ALG9: variants seen among roughly 807,000 people sequenced by gnomAD.
ALG9 encodes the protein ALG9 alpha-1,2-mannosyltransferase.
ALG9 carries 55 observed loss-of-function variants against 81.8 expected under a neutral mutation model. The observed-to-expected ratio is 0.67, with a 90% CI of 0.54 to 0.84. The LOEUF is 0.84. Ranked by LOEUF, ALG9 falls within the 40% of genes least tolerant of loss-of-function variation. ALG9 has a pLI of 0.00. For synonymous variants in ALG9, 278 were observed against 274.3 expected (o/e 1.01, Z -0.13); for missense variants, 629 against 745.0 (o/e 0.84, Z 1.81).
chr11:111,809,536 A>G, intron 14 of ALG9, 107 bp downstream of exon 14: 1 of 1,362,424 alleles, frequency 7.3e-7, no homozygotes, highest in Non-Finnish European at 1.0e-6. Flanking sequence ...ACACACACAC[A>G]CACGATGGCT....
chr11:111,786,402 C>T lies in ALG9; in HGVS notation c.1852G>A (p.Gly618Ser), dbSNP rs590073. Residue 618 changes from glycine (G) to serine (S), a missense_variant, in exon 15 of 15, where the codon GGT becomes AGT. By Grantham distance (56) the Gly-to-Ser change is moderately conservative. Coordinates refer to ENST00000616540, the MANE Select transcript of ALG9 (RefSeq NM_024740.2). ...TTGGGGCCACAGGTGTGTTGCTAAC[C>T]TCCACTTTTCTTCCTGATTTGCTTT... ...KAKQIRKKSG[G>S] 1 of 1,613,958 alleles carries T rather than the reference C, an allele frequency of 6.2e-7. No individual in the cohort carries two copies. Among genetic ancestry groups the T allele is most frequent in the Non-Finnish European group, 8.5e-7 (1 of 1,179,938 alleles).
intron 14 of ALG9, among the ~76,000 whole-genome samples, chr11:111,795,534 G>A (rs1466326603): frequency 1.3e-5 from 2 of 152,198 alleles, no homozygotes; most frequent in African/African-American, 4.8e-5. Context: ...TGCTGAATCA[G>A]CATTATCCAT....
the ALG9 span, among the ~76,000 whole-genome samples, chr11:111,771,813 T>G: frequency 6.6e-6 from 1 of 152,266 alleles, no homozygotes; most frequent in Admixed American, 6.5e-5. Flanking sequence ...ATGCAAAGTA[T>G]GTCACCATTC....
intron 2 of ALG9, among the ~76,000 whole-genome samples, chr11:111,869,140 C>T (rs1372072910): frequency 6.6e-6 from 1 of 152,146 alleles, no homozygotes; most frequent in Non-Finnish European, 1.5e-5. Context: ...CAAAATGATA[C>T]AATATTTAAA....
At chr11:111,794,827 A>G (rs1245021093) in intron 14 of ALG9, among the ~76,000 whole-genome samples, 1 of 152,054 alleles carries the variant, frequency 6.6e-6, no homozygotes, top group Non-Finnish European at 1.5e-5. Context: ...ATTTTCTACA[A>G]CCTTTAGTGC....
chr11:111,825,512 T>C (rs1953080990), intron 13 of ALG9, among the ~76,000 whole-genome samples: 1 of 152,222 alleles, frequency 6.6e-6, no homozygotes, highest in Non-Finnish European at 1.5e-5. Context: ...TTGCAAAAGC[T>C]GTTCCTTCTG....
intron 13 of ALG9, among the ~76,000 whole-genome samples, chr11:111,831,601 G>C (rs184710033): frequency 8.5e-4 from 129 of 152,264 alleles, no homozygotes; most frequent in African/African-American, 2.9e-3. Flanking sequence ...ACAAAAACAA[G>C]AAAGAGGTGG....
At chr11:111,856,072 T>G (rs1958618256) in intron 6 of ALG9, among the ~76,000 whole-genome samples, 1 of 150,914 alleles carries the variant, frequency 6.6e-6, no homozygotes, top group Non-Finnish European at 1.5e-5. Flanking sequence ...AGGTCAGGAG[T>G]TCGAGACCAG....
intron 13 of ALG9, among the ~76,000 whole-genome samples, chr11:111,813,803 T>TA (rs1414183368): frequency 1.3e-5 from 2 of 152,078 alleles, no homozygotes; most frequent in Non-Finnish European, 2.9e-5. Flanking sequence ...TAAAAAAAAT[T>TA]ACAGTATCAA....
At chr11:111,843,609 C>A (rs1555126022) in intron 9 of ALG9, among the ~76,000 whole-genome samples, 1 of 152,164 alleles carries the variant, frequency 6.6e-6, no homozygotes. Context: ...CCAAATCAGA[C>A]TGCAAAGTCT....
intron 8 of ALG9, among the ~76,000 whole-genome samples, chr11:111,850,448 G>A (rs1312368780): frequency 6.6e-6 from 1 of 152,120 alleles, no homozygotes; most frequent in African/African-American, 2.4e-5. Flanking sequence ...GCTCATGCCT[G>A]TAATCCCAGC....
intron 4 of ALG9, among the ~76,000 whole-genome samples, chr11:111,862,836 T>C (rs1284646145): frequency 3.9e-5 from 6 of 152,082 alleles, no homozygotes; most frequent in Non-Finnish European, 7.4e-5. Context: ...TAAATATACT[T>C]ACATTATATT....
chr11:111,777,830 G>C (rs781901710), downstream of ALG9, among the ~76,000 whole-genome samples: 9 of 152,182 alleles, frequency 5.9e-5, no homozygotes, highest in African/African-American at 9.7e-5. Flanking sequence ...CAGTAACAGG[G>C]AGACAAGAAA....
At position 111,833,676 on chromosome 11, in the gene ALG9, A is replaced by G. The variant is rs374555640; in HGVS notation, c.1602+2489T>C. On this transcript the variant is annotated intron_variant, in intron 13 of 14. Coordinates refer to ENST00000616540, the MANE Select transcript of ALG9 (RefSeq NM_024740.2). ...TCTGCCACCACAGATAAGCAAAAAA[A>G]TCCTCGCATTCAAAGGGCTGGACAC... Among the ~76,000 whole-genome samples, 76 of 152,334 alleles carry G rather than the reference A, an allele frequency of 5.0e-4. 1 individual carries two copies. The highest frequency in any genetic ancestry group is 1.7e-3 in the African/African-American group (72 of 41,582).
intron 13 of ALG9, among the ~76,000 whole-genome samples, chr11:111,823,074 G>A (rs144812487): frequency 3.3e-3 from 507 of 152,214 alleles, no homozygotes; most frequent in African/African-American, 0.012. Flanking sequence ...CCGACTAAGT[G>A]CTCTTTTTAT....
rs782808830 is a variant in ALG9, at chr11:111,789,179, A to G, written c.1734-2659T>C. ...TTTCTTTTTGTAGCAATTCCTTACT[A>G]TTTGGGAGGATTGGTAGTTCATAAT... On this transcript the variant is annotated intron_variant, in intron 14 of 14. Transcript: ENST00000616540. Among the ~76,000 whole-genome samples the G allele has an allele frequency of 4.6e-5, 7 of 152,142 alleles. No individual in the cohort carries two copies. The East Asian group carries it at 1.4e-3, about 30-fold the overall frequency.
intron 13 of ALG9, among the ~76,000 whole-genome samples, chr11:111,823,702 G>T (rs1952792450): frequency 1.3e-5 from 2 of 152,124 alleles, no homozygotes; most frequent in Non-Finnish European, 2.9e-5. Context: ...CTTGGGAAAA[G>T]GTCACATGTC....
chr11:111,778,818 T>TC (rs1314472322), downstream of ALG9, among the ~76,000 whole-genome samples: 8 of 144,794 alleles, frequency 5.5e-5, no homozygotes, highest in South Asian at 4.2e-4. Context: ...TTTCTTTTCT[T>TC]TTTTTTTTTT....
intron 13 of ALG9, among the ~76,000 whole-genome samples, chr11:111,832,262 A>G: frequency 6.6e-6 from 1 of 152,134 alleles, no homozygotes; most frequent in East Asian, 1.9e-4. Context: ...TCATGCTACC[A>G]TTTTTAATCT....
Sources: allele counts gnomAD v4.1 joint callset (sites outside exome capture counted in the v4.1 genomes callset), GRCh38; gene constraint gnomAD v4.1.1; transcripts MANE v1.5; gene names NCBI Gene and HGNC (gene_info 2026-07-23, HGNC 2026-07-21).